The following SPSB1 variants were observed in gnomAD, a reference collection of about 807,000 sequenced individuals.
SPSB1 encodes the protein splA/ryanodine receptor domain and SOCS box containing 1.
In SPSB1, 8 loss-of-function variants were observed where a neutral mutation model predicts 21.2. The ratio of observed to expected loss-of-function variants is 0.38; its 90% CI spans 0.22 to 0.68. SPSB1 has a LOEUF of 0.68. Among genes scored for constraint, SPSB1 ranks in the 30% least tolerant of loss-of-function variants. The pLI, the probability that SPSB1 is intolerant of heterozygous loss-of-function variation, is 0.53. For synonymous variants in SPSB1, 169 were observed against 161.7 expected (o/e 1.05, Z -0.34); for missense variants, 242 against 377.8 (o/e 0.64, Z 2.98).
intron 1 of SPSB1, among the ~76,000 whole-genome samples, chr1:9,344,402 C>T (rs1186983436): frequency 3.9e-5 from 6 of 152,206 alleles, no homozygotes; most frequent in African/African-American, 1.4e-4. Context: ...TCCTCACCGC[C>T]AGACAGAGGG....
chr1:9,308,279 G>A (rs79643218), intron 1 of SPSB1, among the ~76,000 whole-genome samples: 1,624 of 152,268 alleles, frequency 0.011, 23 homozygotes, highest in African/African-American at 0.037. Context: ...TAGCAAGGGG[G>A]CCATTTGCCC....
intron 1 of SPSB1, among the ~76,000 whole-genome samples, chr1:9,309,281 T>A (rs1631609): frequency 0.016 from 1,948 of 122,916 alleles, 50 homozygotes; most frequent in African/African-American, 0.062. Flanking sequence ...AGAGAGAGAG[T>A]GTGAGAGAGA....
rs573179644 is a variant in SPSB1, at chr1:9,324,840, T to C, written c.-149-30903T>C. Among the ~76,000 whole-genome samples the C allele has an allele frequency of 6.6e-6, 1 of 152,260 alleles. No individual in the cohort carries two copies. Among genetic ancestry groups the C allele is most frequent in the Admixed American group, 6.5e-5 (1 of 15,300 alleles). ...GCCAGACAGTCGTGTTTGCGACAAG[T>C]CTGTTCGCCTGGCCGTGGAGCCAGC... On this transcript the variant is annotated intron_variant, in intron 1 of 2. Transcript: ENST00000328089. This position sits in a 1 kb window ranked among gnomAD's most constrained non-coding sequence, Gnocchi z 4.3.
intron 2 of SPSB1, among the ~76,000 whole-genome samples, chr1:9,364,414 C>T (rs1640525045): frequency 6.6e-6 from 1 of 152,234 alleles, no homozygotes; most frequent in South Asian, 2.1e-4. Flanking sequence ...GGTCTGGATT[C>T]CGTGTCTTAC....
chr1:9,360,758 GT>G (rs1640458775), intron 2 of SPSB1, among the ~76,000 whole-genome samples: 1 of 152,196 alleles, frequency 6.6e-6, no homozygotes, highest in African/African-American at 2.4e-5. Context: ...CTATGCCCTC[GT>G]CATAATGAAG....
At position 9,356,032 on chromosome 1, in the gene SPSB1, C is replaced by A. The variant is rs201812930; in HGVS notation, c.141C>A (p.Ser47=). 1.4e-5 allele frequency: 23 copies of A among 1,614,042 alleles called. No individual in the cohort carries two copies. The South Asian group carries it at 2.5e-4, about 18-fold the overall frequency. ...LDLLLDMPPV[S]YDVQLLHSWN... ...TGCTACTGGACATGCCCCCTGTGTC[C>A]TATGATGTCCAGCTGCTGCATTCAT... The change falls in exon 2 of 3, where the codon TCC becomes TCA. Residue 47 remains serine (S), a synonymous_variant. Transcript: ENST00000328089. The surrounding 1 kb of genome is among the most constrained non-coding windows in gnomAD (Gnocchi z 7.4).
At chr1:9,322,780 C>G (rs1416319593) in intron 1 of SPSB1, among the ~76,000 whole-genome samples, 3 of 152,204 alleles carry the variant, frequency 2.0e-5, no homozygotes, top group Non-Finnish European at 4.4e-5. Context: ...GGGTCTTGTT[C>G]TGGCCGGTCT....
chr1:9,333,567 G>A (rs1000603969), intron 1 of SPSB1, among the ~76,000 whole-genome samples: 3 of 152,098 alleles, frequency 2.0e-5, no homozygotes, highest in African/African-American at 7.2e-5. Flanking sequence ...TTGACCTCAG[G>A]TGATCCGCCC....
chr1:9,319,428 C>T (rs537681651), intron 1 of SPSB1, among the ~76,000 whole-genome samples: 7 of 152,138 alleles, frequency 4.6e-5, no homozygotes, highest in Non-Finnish European at 1.5e-5. Context: ...CCCTCCTCTT[C>T]CTCCTTCTCC....
At chr1:9,318,409 G>A (rs964165663) in intron 1 of SPSB1, among the ~76,000 whole-genome samples, 7 of 152,194 alleles carry the variant, frequency 4.6e-5, no homozygotes, top group Non-Finnish European at 1.0e-4. Context: ...ACAGGGAATG[G>A]GGACAGCGTC....
chr1:9,339,266 G>A (rs1640053234), intron 1 of SPSB1: 3 of 985,392 alleles, frequency 3.0e-6, no homozygotes, highest in Non-Finnish European at 3.6e-6. Flanking sequence ...CAGGTCCCCC[G>A]GTAGGTATCT....
intron 1 of SPSB1, among the ~76,000 whole-genome samples, chr1:9,301,615 A>T (rs1639331356): frequency 6.6e-6 from 1 of 152,200 alleles, no homozygotes. Flanking sequence ...AGGATGACCT[A>T]GGTGGATTCT....
rs1329556651 is a variant in SPSB1 at position 9,348,945 on chromosome 1, G to A, written c.-149-6798G>A. On this transcript the variant is annotated intron_variant, in intron 1 of 2. Transcript: ENST00000328089. The surrounding 1 kb of genome is among the most constrained non-coding windows in gnomAD (Gnocchi z 4.8). ...CTTTCACTCGTGCAAGAATGTGTGT[G>A]TGTGTGTGTGTGTGTGTGTATATGT... 0.058 allele frequency among the ~76,000 whole-genome samples: 8,321 copies of A among 143,662 alleles called. 798 individuals carry two copies. The highest frequency in any genetic ancestry group is 0.21 in the African/African-American group (7,910 of 38,264). The allele number at this position is 143,662 out of a possible 152,430, so 94.2% of individuals were successfully genotyped here. A position where few individuals can be genotyped will look rare whatever the true frequency, so the allele number is the denominator to read the frequency against.
intron 1 of SPSB1, among the ~76,000 whole-genome samples, chr1:9,340,920 A>G (rs1557459359): frequency 1.3e-5 from 2 of 152,166 alleles, no homozygotes; most frequent in African/African-American, 4.8e-5. Flanking sequence ...CAGAGTGGGA[A>G]GGGGAGAAGA....
intron 1 of SPSB1, among the ~76,000 whole-genome samples, chr1:9,330,738 A>C (rs539686866): frequency 1.3e-5 from 2 of 151,864 alleles, no homozygotes; most frequent in African/African-American, 2.4e-5. Context: ...AACATACAAA[A>C]ACCTAAAATT....
At chr1:9,338,556 C>CT (rs908383276) in intron 1 of SPSB1, among the ~76,000 whole-genome samples, 7 of 152,268 alleles carry the variant, frequency 4.6e-5, no homozygotes, top group African/African-American at 1.7e-4. Context: ...AGGAAGTATA[C>CT]TTTCTTCTTT....
At chr1:9,294,549 A>G (rs1639178744) in intron 1 of SPSB1, 1 of 152,344 alleles carries the variant, frequency 6.6e-6, no homozygotes, top group Non-Finnish European at 1.5e-5. Context: ...TTCTCTGAAA[A>G]TGAACTACAC....
At chr1:9,315,999 G>T (rs961827794) in intron 1 of SPSB1, among the ~76,000 whole-genome samples, 2 of 152,222 alleles carry the variant, frequency 1.3e-5, no homozygotes, top group Admixed American at 6.5e-5. Context: ...TTGGCAGACG[G>T]GTTCAGAGGT....
At chr1:9,328,343 G>A (rs1639852922) in intron 1 of SPSB1, among the ~76,000 whole-genome samples, 1 of 152,198 alleles carries the variant, frequency 6.6e-6, no homozygotes. Flanking sequence ...TCAAGTTTGG[G>A]AACTGCTAGA....
Sources: gnomAD v4.1 joint callset for allele counts (sites outside exome capture counted in the v4.1 genomes callset) on GRCh38, gnomAD v4.1.1 for gene constraint, Gnocchi (gnomAD v3.1) non-coding constraint, MANE v1.5 for transcripts, NCBI Gene and HGNC (gene_info 2026-07-23, HGNC 2026-07-21) for gene names.